The following GPD2 variants were observed in gnomAD, a reference collection of about 807,000 sequenced individuals.
GPD2 encodes glycerol-3-phosphate dehydrogenase, mitochondrial.
A neutral mutation model predicts 82.4 loss-of-function variants in GPD2; 54 were observed. That is an observed-to-expected ratio of 0.66 (90% CI 0.53 to 0.82). The LOEUF (loss-of-function observed/expected upper bound fraction) is 0.82. GPD2 is among the 40% of genes least tolerant of loss of function. The pLI is 0.00. For missense variants in GPD2, 748 were observed against 896.2 expected, an observed-to-expected ratio of 0.83 and a Z score of 2.11; for synonymous variants, 288 against 306.1, an observed-to-expected ratio of 0.94 and a Z score of 0.62.
At chr2:156,427,501 T>G in the GPD2 span, among the ~76,000 whole-genome samples, 2 of 152,184 alleles carry the variant, frequency 1.3e-5, no homozygotes, top group East Asian at 3.9e-4. Context: ...TCTCTCAAAT[T>G]TTACAAGGCT....
At chr2:156,549,836 A>G in intron 7 of GPD2, 64 bp downstream of exon 7, 2 of 1,180,982 alleles carry the variant, frequency 1.7e-6, no homozygotes, top group Non-Finnish European at 2.5e-6. Context: ...TAATGACTGA[A>G]TTATAATTTT....
chr2:156,461,379 C>T (rs140014556), intron 1 of GPD2, among the ~76,000 whole-genome samples: 1 of 152,142 alleles, frequency 6.6e-6, no homozygotes, highest in African/African-American at 2.4e-5. Context: ...TTAAAATTCT[C>T]CACTGACTTT....
rs369774146 is a variant in GPD2 at position 156,491,654 on chromosome 2, A to G, written c.103-4390A>G. On this transcript the variant is annotated intron_variant, in intron 2 of 16. Transcript: ENST00000438166. ...TTTTTGCCTACAGGCTTCTGTATGA[A>G]CACAGATTTTCATTTCTTTTGGGTA... Among the ~76,000 whole-genome samples the G allele has an allele frequency of 3.3e-5, 5 of 152,146 alleles. No homozygotes were observed. In the East Asian group the frequency reaches 9.6e-4, roughly 29 times the overall value.
Position 156,473,815 on chromosome 2 carries a change from G to T in GPD2, c.-8-2283G>T, listed in dbSNP as rs140800525. Reference sequence around the variant, plus strand: ...GGTGATAGTGAGCTATGACAAATGGGTACCTGCTAAGTTAGGGTTTTTACT... The same window carrying T: ...GGTGATAGTGAGCTATGACAAATGGTTACCTGCTAAGTTAGGGTTTTTACT... On this transcript the variant is annotated intron_variant, in intron 1 of 16. Transcript: ENST00000438166. 2.0e-5 allele frequency among the ~76,000 whole-genome samples: 3 copies of T among 152,266 alleles called. No individual in the cohort carries two copies. The East Asian group carries it at 5.8e-4, about 29-fold the overall frequency.
chr2:156,466,374 G>C (rs1467724230), intron 1 of GPD2, among the ~76,000 whole-genome samples: 1 of 152,106 alleles, frequency 6.6e-6, no homozygotes, highest in Non-Finnish European at 1.5e-5. Flanking sequence ...TATGAATTAA[G>C]CTGTGGTTAT....
chr2:156,558,738 C>G (rs955308330), intron 9 of GPD2, among the ~76,000 whole-genome samples: 1 of 142,928 alleles, frequency 7.0e-6, no homozygotes, highest in African/African-American at 2.6e-5. Context: ...GCTGGGATTA[C>G]AGGTGCCCAC....
At chr2:156,454,573 A>T (rs1283077211) in intron 1 of GPD2, among the ~76,000 whole-genome samples, 3 of 152,176 alleles carry the variant, frequency 2.0e-5, no homozygotes, top group Non-Finnish European at 2.9e-5. Context: ...CAGCATCTGA[A>T]ATTCAGGTTA....
At chr2:156,574,434 G>C (rs979620710) in intron 13 of GPD2, among the ~76,000 whole-genome samples, 2 of 152,082 alleles carry the variant, frequency 1.3e-5, no homozygotes, top group African/African-American at 2.4e-5. Context: ...GGGAGAACTG[G>C]GTAGGAAGGG....
At chr2:156,444,537 ACC>A (rs1333091390) in intron 1 of GPD2, among the ~76,000 whole-genome samples, 8 of 151,998 alleles carry the variant, frequency 5.3e-5, no homozygotes, top group Non-Finnish European at 1.0e-4. Flanking sequence ...ACGTGGCAAA[ACC>A]CTGTCTCTAC....
At chr2:156,428,141 A>C in the GPD2 span, among the ~76,000 whole-genome samples, 1 of 152,184 alleles carries the variant, frequency 6.6e-6, no homozygotes. Context: ...AGGGATCAGA[A>C]TGTGAATAAC....
At chr2:156,503,293 G>A (rs1414024241) in intron 3 of GPD2, among the ~76,000 whole-genome samples, 1 of 152,176 alleles carries the variant, frequency 6.6e-6, no homozygotes, top group East Asian at 1.9e-4. Flanking sequence ...TTTTGGAACT[G>A]AGATCTTGAT....
chr2:156,426,650 C>T, the GPD2 span, among the ~76,000 whole-genome samples: 2 of 152,074 alleles, frequency 1.3e-5, no homozygotes, highest in African/African-American at 4.8e-5. Context: ...ATTAGAAACA[C>T]CTGGAAGGAA....
intron 6 of GPD2, among the ~76,000 whole-genome samples, chr2:156,518,687 T>C (rs1186921447): frequency 6.6e-6 from 1 of 152,236 alleles, no homozygotes; most frequent in Non-Finnish European, 1.5e-5. Flanking sequence ...TTTTTGTTGT[T>C]TGTTTTTTCA....
At chr2:156,524,847 T>G (rs1296120682) in intron 6 of GPD2, among the ~76,000 whole-genome samples, 1 of 152,238 alleles carries the variant, frequency 6.6e-6, no homozygotes, top group Non-Finnish European at 1.5e-5. Flanking sequence ...ATGGGTGATG[T>G]AAATTTCCAT....
At chr2:156,466,757 A>C (rs1683161915) in intron 1 of GPD2, among the ~76,000 whole-genome samples, 1 of 152,226 alleles carries the variant, frequency 6.6e-6, no homozygotes. Context: ...GTTTGCAACA[A>C]ATTTTTTATA....
chr2:156,541,834 T>TTTTG (rs1686332887), intron 6 of GPD2, among the ~76,000 whole-genome samples: 1 of 145,010 alleles, frequency 6.9e-6, no homozygotes, highest in African/African-American at 2.6e-5. Context: ...GTTTTTTTTT[T>TTTTG]TTTTTTTTTT....
At chr2:156,426,057 G>A in the GPD2 span, among the ~76,000 whole-genome samples, 44 of 151,880 alleles carry the variant, frequency 2.9e-4, no homozygotes, top group African/African-American at 1.1e-3. Context: ...CCGAGTAGCT[G>A]GGACTACAGG....
At chr2:156,442,220 T>C (rs984824191) in intron 1 of GPD2, among the ~76,000 whole-genome samples, 2 of 152,214 alleles carry the variant, frequency 1.3e-5, no homozygotes, top group African/African-American at 2.4e-5. Context: ...TAGAAGCTGC[T>C]ACTGTCAAAT....
chr2:156,562,584 AC>A (rs3835848), intron 9 of GPD2, among the ~76,000 whole-genome samples: 107,353 of 151,470 alleles, frequency 0.71, 38,168 homozygotes, highest in Middle Eastern at 0.82. Context: ...TGAAAAAAAA[AC>A]CCCCAAAACA....
Sources: allele counts gnomAD v4.1 joint callset (sites outside exome capture counted in the v4.1 genomes callset), GRCh38; gene constraint gnomAD v4.1.1; transcripts MANE v1.5; gene names NCBI Gene and HGNC (gene_info 2026-07-23, HGNC 2026-07-21).